Variants in SASS6 observed in about 807,000 individuals in gnomAD.
SASS6 encodes the protein SAS-6 centriolar assembly protein.
In SASS6, 59 loss-of-function variants were observed where a neutral mutation model predicts 94.9. The ratio of observed to expected loss-of-function variants is 0.62; its 90% CI spans 0.50 to 0.77. SASS6 has a LOEUF of 0.77. Ranked by LOEUF, SASS6 falls within the 30% of genes least tolerant of loss-of-function variation. SASS6 has a pLI of 0.00. For missense variants in SASS6, 698 were observed against 734.1 expected (o/e 0.95, Z 0.57); for synonymous variants, 264 against 270.0 (o/e 0.98, Z 0.22).
intron 7 of SASS6, among the ~76,000 whole-genome samples, chr1:100,118,756 TAC>T (rs1317091701): frequency 7.3e-5 from 4 of 55,164 alleles, no homozygotes; most frequent in Non-Finnish European, 1.6e-4. Context: ...TGACATAATT[TAC>T]AGAGTTATAA....
At chr1:100,121,219 C>A (rs995395517) in intron 5 of SASS6, among the ~76,000 whole-genome samples, 159 bp downstream of exon 5, 1 of 152,162 alleles carries the variant, frequency 6.6e-6, no homozygotes, top group Admixed American at 6.5e-5. Flanking sequence ...TCCATCCCGA[C>A]TATACCTTGA....
chr1:100,100,045 C>T (rs1218486303), intron 14 of SASS6, among the ~76,000 whole-genome samples: 1 of 152,062 alleles, frequency 6.6e-6, no homozygotes, highest in Non-Finnish European at 1.5e-5. Flanking sequence ...GCAGGTGGAT[C>T]ACTTGAGGTC....
intron 7 of SASS6, among the ~76,000 whole-genome samples, chr1:100,117,026 G>C (rs1490374613): frequency 6.6e-6 from 1 of 152,080 alleles, no homozygotes; most frequent in Non-Finnish European, 1.5e-5. Context: ...GGGCACAGTG[G>C]CTCACGCCTG....
At chr1:100,115,096 A>G (rs1429607573) in intron 7 of SASS6, among the ~76,000 whole-genome samples, 1 of 152,194 alleles carries the variant, frequency 6.6e-6, no homozygotes, top group Non-Finnish European at 1.5e-5. Flanking sequence ...GTGCAAGAAA[A>G]AAAAGGACAC....
chr1:100,087,834 C>T (rs1274930958), intron 15 of SASS6, among the ~76,000 whole-genome samples: 1 of 152,098 alleles, frequency 6.6e-6, no homozygotes, highest in Non-Finnish European at 1.5e-5. Flanking sequence ...ATGAATATGT[C>T]TGAGAATATT....
intron 8 of SASS6, among the ~76,000 whole-genome samples, chr1:100,109,419 G>C (rs1485992421): frequency 6.6e-6 from 1 of 151,840 alleles, no homozygotes; most frequent in Non-Finnish European, 1.5e-5. Context: ...ATGCTACAAA[G>C]AAGCCTGTAA....
chr1:100,123,710 C>G (rs1326196354), intron 2 of SASS6, among the ~76,000 whole-genome samples: 1 of 152,182 alleles, frequency 6.6e-6, no homozygotes, highest in Admixed American at 6.5e-5. Flanking sequence ...ATCAGCAGAA[C>G]TGACAATAAT....
At chr1:100,119,490 C>T (rs1374767516) in intron 6 of SASS6, among the ~76,000 whole-genome samples, 3 of 152,186 alleles carry the variant, frequency 2.0e-5, no homozygotes, top group African/African-American at 7.2e-5. Flanking sequence ...CTGTGGGCCA[C>T]ATTGTGCAGG....
chr1:100,118,308 T>A (rs1653937472), intron 7 of SASS6, among the ~76,000 whole-genome samples: 1 of 55,152 alleles, frequency 1.8e-5, no homozygotes. Context: ...AAAGCAAAAC[T>A]TTGTCTCAAA....
chr1:100,130,038 C>T (rs1024164182), intron 1 of SASS6, among the ~76,000 whole-genome samples: 4 of 152,052 alleles, frequency 2.6e-5, no homozygotes, highest in African/African-American at 9.7e-5. Context: ...CTCATAATAC[C>T]ATGAAGTAGG....
At position 100,121,450 on chromosome 1, in the gene SASS6, G is replaced by A; in HGVS notation, c.411C>T (p.Leu137=). Reference sequence around the variant, plus strand: ...CATTTCCAGGTAAAAGTTTTAGTGAGAGGTGTGTAAGATGCTTAAAAGGAT... The same window carrying A: ...CATTTCCAGGTAAAAGTTTTAGTGAAAGGTGTGTAAGATGCTTAAAAGGAT... ...ETNPFKHLTH[L]SLKLLPGNDV... is the part of the protein sequence containing the mutation. The change falls in exon 5 of 17, where the codon CTC becomes CTT. Residue 137 remains leucine (L), a synonymous_variant. Transcript: ENST00000287482. 1 of 1,602,286 alleles carries A rather than the reference G, an allele frequency of 6.2e-7. No homozygotes were observed. The highest frequency in any genetic ancestry group is 8.5e-7 in the Non-Finnish European group (1 of 1,173,004).
At chr1:100,132,500 G>A (rs965397075) in intron 1 of SASS6, among the ~76,000 whole-genome samples, 1 of 152,072 alleles carries the variant, frequency 6.6e-6, no homozygotes, top group Admixed American at 6.5e-5. Flanking sequence ...CCGTGCACAG[G>A]TAGGGTTTTT....
chr1:100,118,315 CA>C (rs5776499), intron 7 of SASS6, among the ~76,000 whole-genome samples: 140,649 of 148,504 alleles, frequency 0.95, 66,584 homozygotes, highest in East Asian at 1. Flanking sequence ...AACTTTGTCT[CA>C]AAAAAAAAAA....
At chr1:100,096,307 T>C (rs1343219128) in intron 14 of SASS6, among the ~76,000 whole-genome samples, 1 of 152,188 alleles carries the variant, frequency 6.6e-6, no homozygotes, top group East Asian at 1.9e-4. Flanking sequence ...TTTTCATAAA[T>C]GGTACTAAGA....
At position 100,103,078 on chromosome 1, in the gene SASS6, A is replaced by G; in HGVS notation, c.1551T>C (p.Asp517=). The G allele has an allele frequency of 6.3e-7, 1 of 1,582,746 alleles. No homozygotes were observed. Among genetic ancestry groups the G allele is most frequent in the Non-Finnish European group, 8.6e-7 (1 of 1,159,184 alleles). The change falls in exon 14 of 17, where the codon GAT becomes GAC. Residue 517 remains aspartate, a synonymous_variant. Transcript: ENST00000287482. ...CACAGGTTGGGTAAGTCAGTCTACC[A>G]TCAACCTAAAAATAAAAACATAAAG... The part of the protein sequence containing the change: ...SGISPNLNVV[D]GRLTYPTCGI...
chr1:100,095,989 G>C (rs947652340), intron 14 of SASS6, among the ~76,000 whole-genome samples: 1 of 152,146 alleles, frequency 6.6e-6, no homozygotes, highest in Non-Finnish European at 1.5e-5. Context: ...TTTGAAAACT[G>C]ACCTATAAAT....
rs1244403766 is a variant in SASS6, at chr1:100,123,239, G to C, written c.177C>G (p.Asn59Lys). ...GAAAATCTTCCTCAGATATAACAAG[G>C]TTATATAAAAAAAATGGATCCGTGT... ...TDDTDPFFLY[N>K]LVISEEDFQS... Residue 59 changes from asparagine to lysine, a missense_variant, in exon 3 of 17, where the codon AAC becomes AAG. Asn to Lys is a moderately conservative substitution (Grantham distance 94). Transcript: ENST00000287482. 4 of 1,522,694 alleles carry C rather than the reference G, an allele frequency of 2.6e-6. No homozygotes were observed. In the African/African-American group the frequency reaches 4.2e-5, roughly 16 times the overall value. The allele number at this position is 1,522,694 out of a possible 1,614,324, so 94.3% of individuals were successfully genotyped here.
At position 100,105,865 on chromosome 1, in the gene SASS6, G is replaced by A; in HGVS notation, c.1447C>T (p.Leu483=). The change falls in exon 13 of 17, where the codon CTA becomes TTA. Residue 483 remains leucine (L), a synonymous_variant. Transcript: ENST00000287482. ...WLNKELNENQ[L]VRKQDVLGPS... Reference sequence around the variant, plus strand: ...CCCAATACATCTTGCTTTCTCACTAGCTGATTTTCATTTAGTTCTTTATTT... The same window carrying A: ...CCCAATACATCTTGCTTTCTCACTAACTGATTTTCATTTAGTTCTTTATTT... 6.2e-7 allele frequency: 1 copy of A among 1,608,652 alleles called. No individual in the cohort carries two copies.
chr1:100,121,948 GA>G (rs902625509), intron 4 of SASS6, among the ~76,000 whole-genome samples: 1 of 152,040 alleles, frequency 6.6e-6, no homozygotes, highest in African/African-American at 2.4e-5. Context: ...ACTTAATATA[GA>G]AAAAATTATA....
Sources: allele counts gnomAD v4.1 joint callset (sites outside exome capture counted in the v4.1 genomes callset), GRCh38; gene constraint gnomAD v4.1.1; transcripts MANE v1.5; gene names NCBI Gene and HGNC (gene_info 2026-07-23, HGNC 2026-07-21).